Variants in DENND2C observed in about 807,000 individuals in gnomAD.
The protein encoded by DENND2C is DENN domain containing 2C, also known as DENN domain-containing protein 2C.
Under a neutral mutation model 112.4 loss-of-function variants are expected in DENND2C, and 72 were observed. The observed-to-expected ratio is 0.64, with a 90% CI of 0.53 to 0.78. DENND2C has a LOEUF of 0.78. Ranked by LOEUF, DENND2C falls within the 30% of genes least tolerant of loss-of-function variation. The probability of loss-of-function intolerance (pLI) is 0.00; values close to 1 mark genes in which losing one functional copy is unlikely to be tolerated. For synonymous variants in DENND2C, 329 were observed against 381.6 expected (o/e 0.86, Z 1.61); for missense variants, 992 against 1,113.8 (o/e 0.89, Z 1.56).
chr1:114,630,054 C>G (rs1402618080), intron 3 of DENND2C, among the ~76,000 whole-genome samples: 1 of 152,142 alleles, frequency 6.6e-6, no homozygotes, highest in Non-Finnish European at 1.5e-5. Context: ...GTGGCTCACG[C>G]CTGTAATCCC....
chr1:114,616,381 G>C (rs555026747), intron 8 of DENND2C, among the ~76,000 whole-genome samples: 7 of 150,934 alleles, frequency 4.6e-5, no homozygotes, highest in Admixed American at 2.6e-4. Flanking sequence ...GACAGAGTGA[G>C]ACTCTGTATC....
intron 16 of DENND2C, among the ~76,000 whole-genome samples, chr1:114,596,518 A>T (rs1195821052): frequency 6.6e-6 from 1 of 152,196 alleles, no homozygotes; most frequent in Non-Finnish European, 1.5e-5. Flanking sequence ...AGGTGTGATA[A>T]TGGTATTGAG....
rs1181962296 is a variant in DENND2C at position 114,583,717 on chromosome 1, G to C, written c.*1883C>G. 1 of 148,766 alleles carries C rather than the reference G, an allele frequency of 6.7e-6. No individual in the cohort carries two copies. The highest frequency in any genetic ancestry group is 1.5e-5 in the Non-Finnish European group (1 of 67,718). The allele number at this position is 148,766 out of a possible 1,614,324, so 9.2% of individuals were successfully genotyped here. A position where few individuals can be genotyped will look rare whatever the true frequency, so the allele number is the denominator to read the frequency against. Reference sequence around the variant, plus strand: ...AGCTACTCAGGAGGCTGAGGCAGGAGAATTGCTTGAAGCCGGGAGGCGGAG... The same window carrying C: ...AGCTACTCAGGAGGCTGAGGCAGGACAATTGCTTGAAGCCGGGAGGCGGAG... On this transcript the variant is annotated 3_prime_UTR_variant, in exon 21 of 21. Coordinates refer to ENST00000393274, the MANE Select transcript of DENND2C (RefSeq NM_001256404.2).
chr1:114,650,824 C>T (rs1451375012), intron 2 of DENND2C, among the ~76,000 whole-genome samples: 4 of 152,010 alleles, frequency 2.6e-5, no homozygotes, highest in Admixed American at 2.0e-4. Flanking sequence ...TTTCAAATGA[C>T]ATTACAAAAT....
rs1390855665 is a variant in DENND2C at position 114,584,765 on chromosome 1, T to C, written c.*835A>G. The stretch of plus-strand genomic sequence containing the variant: ...TAATTTCACAAAGTTTAAATTTATT[T>C]ACTTATTTTTAAAATGTTTTTGTAG... On this transcript the variant is annotated 3_prime_UTR_variant, in exon 21 of 21. Transcript: ENST00000393274. 4.6e-5 allele frequency: 7 copies of C among 152,168 alleles called. No individual in the cohort carries two copies. Among genetic ancestry groups the C allele is most frequent in the Admixed American group, 3.3e-4 (5 of 15,270 alleles). The allele number at this position is 152,168 out of a possible 1,614,324, so 9.4% of individuals were successfully genotyped here.
In DENND2C at chr1:114,625,541, T is replaced by A; in HGVS notation, c.444A>T (p.Ile148=). 6.2e-7 allele frequency: 1 copy of A among 1,614,116 alleles called. No individual in the cohort carries two copies. The highest frequency in any genetic ancestry group is 8.5e-7 in the Non-Finnish European group (1 of 1,179,996). The change falls in exon 4 of 21, where the codon ATA becomes ATT. Residue 148 remains isoleucine, a synonymous_variant. Coordinates refer to ENST00000393274, the MANE Select transcript of DENND2C (RefSeq NM_001256404.2). ...LPPGNFYTSQ[I]LWKKIEALPP... is the part of the protein sequence containing the mutation. Reference sequence around the variant, plus strand: ...GAAGTGCTTCTATTTTCTTCCACAGTATTTGTGAGGTATAGAAGTTTCCTG... The same window carrying A: ...GAAGTGCTTCTATTTTCTTCCACAGAATTTGTGAGGTATAGAAGTTTCCTG...
In DENND2C at chr1:114,587,860, G is replaced by A. The variant is rs374705348; in HGVS notation, c.2524C>T (p.Arg842Cys). Residue 842 changes from arginine to cysteine, a missense_variant, in exon 19 of 21, where the codon CGT becomes TGT. Arg to Cys is a radical substitution (Grantham distance 180, BLOSUM62 -3). Around this residue, in one of 3 missense-constraint regions of DENND2C, gnomAD observed 516 missense variants for 623.6 expected, o/e 0.83. Transcript: ENST00000393274. ...HYSLNMTVTE[R>C]GERVFQREPF... ...TCCCTTTGGAAAACACGCTCCCCAC[G>A]CTCAGTGACAGTCATGTTCAAAGAA... 12 of 1,613,900 alleles carry A rather than the reference G, an allele frequency of 7.4e-6. No individual in the cohort carries two copies. Among genetic ancestry groups the A allele is most frequent in the African/African-American group, 2.7e-5 (2 of 74,868 alleles).
chr1:114,643,803 T>C (rs1207843798), intron 3 of DENND2C, among the ~76,000 whole-genome samples: 3 of 150,432 alleles, frequency 2.0e-5, no homozygotes, highest in African/African-American at 4.9e-5. Context: ...GTCATGGAAA[T>C]TTTTTCAGGT....
chr1:114,594,530 T>C lies in DENND2C; in HGVS notation c.2374A>G (p.Met792Val). The C allele has an allele frequency of 1.2e-6, 2 of 1,614,026 alleles. No homozygotes were observed. The highest frequency in any genetic ancestry group is 1.7e-6 in the Non-Finnish European group (2 of 1,180,014). The change falls in exon 18 of 21, where the codon ATG becomes GTG. Residue 792 changes from methionine (M) to valine (V), a missense_variant. This residue lies in a region of DENND2C where 516 missense variants were observed against 623.6 expected (regional missense o/e 0.83). Coordinates refer to ENST00000393274, the MANE Select transcript of DENND2C (RefSeq NM_001256404.2). ...TCATTTCGTTCTTCCAAAATCTGCA[T>C]CAGGGCAGCTTGAAGTTTTGGTGGT... ...ILPPKLQAAL[M>V]QILEERNEIL...
chr1:114,641,626 T>C (rs1656838734), intron 3 of DENND2C, among the ~76,000 whole-genome samples: 1 of 152,158 alleles, frequency 6.6e-6, no homozygotes, highest in Non-Finnish European at 1.5e-5. Flanking sequence ...TCCACCATGA[T>C]TGTAACCTTC....
At chr1:114,588,759 T>C (rs1422669186) in intron 18 of DENND2C, among the ~76,000 whole-genome samples, 3 of 151,972 alleles carry the variant, frequency 2.0e-5, no homozygotes, top group African/African-American at 7.2e-5. Flanking sequence ...TAAATAAAGA[T>C]TTTTTTTCCC....
chr1:114,651,753 G>A (rs7538880), intron 2 of DENND2C, among the ~76,000 whole-genome samples: 133,155 of 152,196 alleles, frequency 0.87, 58,753 homozygotes, highest in African/African-American at 0.96. Flanking sequence ...GAAAGAAAAA[G>A]GAAAAGTTAT....
intron 3 of DENND2C, among the ~76,000 whole-genome samples, chr1:114,628,257 C>G (rs1269736307): frequency 6.7e-6 from 1 of 150,068 alleles, no homozygotes; most frequent in Non-Finnish European, 1.5e-5. Context: ...ATGTTGGAAG[C>G]TGCAGTAAGT....
At chr1:114,628,365 G>A (rs546414441) in intron 3 of DENND2C, among the ~76,000 whole-genome samples, 79 of 150,844 alleles carry the variant, frequency 5.2e-4, no homozygotes, top group South Asian at 8.4e-4. Context: ...GGCAACAAAT[G>A]GCTAAATCTA....
At chr1:114,609,700 G>A (rs1341212643) in intron 9 of DENND2C, among the ~76,000 whole-genome samples, 1 of 152,144 alleles carries the variant, frequency 6.6e-6, no homozygotes. Context: ...ATAATTCCGA[G>A]CCACTGATAG....
intron 14 of DENND2C, 124 bp from the exon 15 acceptor site, chr1:114,600,476 GA>G (rs1227691571): frequency 1.6e-6 from 2 of 1,284,934 alleles, no homozygotes; most frequent in Non-Finnish European, 2.2e-6. Flanking sequence ...CGGGGTCTGT[GA>G]AGCTTCCTAT....
chr1:114,600,672 A>C, intron 14 of DENND2C, 148 bp downstream of exon 14: 2 of 1,124,424 alleles, frequency 1.8e-6, no homozygotes, highest in Non-Finnish European at 1.2e-6. Context: ...GATCAACTGG[A>C]TATTTCTCCA....
At chr1:114,598,622 T>A (rs1191467504) in intron 16 of DENND2C, among the ~76,000 whole-genome samples, 1 of 152,228 alleles carries the variant, frequency 6.6e-6, no homozygotes, top group African/African-American at 2.4e-5. Flanking sequence ...ATGCTCATTA[T>A]GTATCTGTAC....
At chr1:114,644,157 A>G (rs2101683470) in intron 3 of DENND2C, among the ~76,000 whole-genome samples, 1 of 152,258 alleles carries the variant, frequency 6.6e-6, no homozygotes, top group Non-Finnish European at 1.5e-5. Context: ...CCAGGCCACC[A>G]TCACTTCTTC....
Sources: gnomAD v4.1 joint callset for allele counts (sites outside exome capture counted in the v4.1 genomes callset) on GRCh38, gnomAD v4.1.1 for gene constraint, gnomAD v4.1.1 regional missense constraint, MANE v1.5 for transcripts, NCBI Gene and HGNC (gene_info 2026-07-23, HGNC 2026-07-21) for gene names.